CLINT1: variants seen among roughly 807,000 people sequenced by gnomAD.
CLINT1 encodes the protein clathrin interacting protein localized in the trans-Golgi region.
A neutral mutation model predicts 70.4 loss-of-function variants in CLINT1; 15 were observed. The ratio of observed to expected loss-of-function variants is 0.21; its 90% CI spans 0.14 to 0.33. CLINT1 has a LOEUF of 0.33. Ranked by LOEUF, CLINT1 falls within the 10% of genes least tolerant of loss-of-function variation. The pLI, the probability that CLINT1 is intolerant of heterozygous loss-of-function variation, is 1.00. For synonymous variants in CLINT1, 227 were observed against 254.7 expected (o/e 0.89, Z 1.04); for missense variants, 615 against 778.1 (o/e 0.79, Z 2.49).
At chr5:157,812,257 T>C (rs962837571) in intron 5 of CLINT1, among the ~76,000 whole-genome samples, 11 of 151,824 alleles carry the variant, frequency 7.2e-5, no homozygotes, top group African/African-American at 2.4e-4. Context: ...CATATATGGG[T>C]GGGGGGAGCT....
intron 1 of CLINT1, among the ~76,000 whole-genome samples, chr5:157,828,085 A>G (rs1467921480): frequency 6.6e-6 from 1 of 152,144 alleles, no homozygotes; most frequent in African/African-American, 2.4e-5. Flanking sequence ...TAAAGCATTC[A>G]GTTTTCTGTT....
At chr5:157,834,206 T>C (rs1323536241) in intron 1 of CLINT1, among the ~76,000 whole-genome samples, 1 of 150,162 alleles carries the variant, frequency 6.7e-6, no homozygotes, top group Non-Finnish European at 1.5e-5. Context: ...TCTACTAAAA[T>C]ACAAAAAAAG....
At chr5:157,819,865 T>C (rs919667789) in intron 1 of CLINT1, among the ~76,000 whole-genome samples, 7 of 152,352 alleles carry the variant, frequency 4.6e-5, no homozygotes, top group Middle Eastern at 3.4e-3. Context: ...TTCAGAACAC[T>C]GCTTTCCTTG....
intron 1 of CLINT1, among the ~76,000 whole-genome samples, chr5:157,822,930 TGTG>T (rs1290235555): frequency 2.6e-5 from 4 of 152,210 alleles, no homozygotes; most frequent in Non-Finnish European, 5.9e-5. Flanking sequence ...ATAGGTATAA[TGTG>T]GTACTAACTG....
intron 6 of CLINT1, 107 bp downstream of exon 6, chr5:157,809,519 ATT>A: frequency 1.2e-6 from 1 of 805,976 alleles, no homozygotes. Flanking sequence ...AAAAGGCCCA[ATT>A]TCAGATAATG....
At chr5:157,848,245 C>T (rs957848720) in intron 1 of CLINT1, among the ~76,000 whole-genome samples, 7 of 151,424 alleles carry the variant, frequency 4.6e-5, no homozygotes, top group East Asian at 1.9e-4. Context: ...TACAGGGGCC[C>T]GCCACTACCC....
chr5:157,827,905 T>C (rs1368754033), intron 1 of CLINT1, among the ~76,000 whole-genome samples: 1 of 152,200 alleles, frequency 6.6e-6, no homozygotes, highest in African/African-American at 2.4e-5. Context: ...CAAAGTAATA[T>C]TGTATATTAG....
At chr5:157,788,048 G>A in intron 11 of CLINT1, 56 bp from the exon 12 acceptor site, 1 of 1,288,778 alleles carries the variant, frequency 7.8e-7, no homozygotes, top group Non-Finnish European at 1.1e-6. Context: ...TAGGTTCATA[G>A]AACAGAGAAC....
chr5:157,827,818 A>G (rs1763086789), intron 1 of CLINT1, among the ~76,000 whole-genome samples: 1 of 152,240 alleles, frequency 6.6e-6, no homozygotes, highest in Non-Finnish European at 1.5e-5. Flanking sequence ...AGACAAGGCC[A>G]TGCTAAAGGA....
intron 4 of CLINT1, 52 bp from the exon 5 acceptor site, chr5:157,813,279 T>C (rs1762615781): frequency 1.4e-6 from 2 of 1,472,518 alleles, no homozygotes; most frequent in East Asian, 4.8e-5. Context: ...TTAATATGTA[T>C]CAAGCTCTTT....
At chr5:157,791,200 A>C (rs1179606828) in intron 10 of CLINT1, among the ~76,000 whole-genome samples, 1 of 152,118 alleles carries the variant, frequency 6.6e-6, no homozygotes, top group Non-Finnish European at 1.5e-5. Flanking sequence ...CAGGGACTAC[A>C]GGTGCCTGCC....
At chr5:157,854,981 G>A (rs2113343885) in intron 1 of CLINT1, among the ~76,000 whole-genome samples, 1 of 151,996 alleles carries the variant, frequency 6.6e-6, no homozygotes, top group Non-Finnish European at 1.5e-5. Flanking sequence ...TCAGCTGTAT[G>A]AAAAATACAA....
At chr5:157,805,679 T>C (rs1381482212) in intron 7 of CLINT1, among the ~76,000 whole-genome samples, 187 bp downstream of exon 7, 1 of 152,178 alleles carries the variant, frequency 6.6e-6, no homozygotes, top group African/African-American at 2.4e-5. Context: ...ACCCAATCAT[T>C]CAGCAATTGG....
At chr5:157,800,469 C>T (rs1339090881) in intron 8 of CLINT1, among the ~76,000 whole-genome samples, 1 of 152,004 alleles carries the variant, frequency 6.6e-6, no homozygotes, top group Non-Finnish European at 1.5e-5. Context: ...TGCCCAATTT[C>T]CTTTCACTGC....
intron 1 of CLINT1, among the ~76,000 whole-genome samples, chr5:157,831,190 C>CTT (rs34655817): frequency 5.0e-5 from 7 of 140,700 alleles, no homozygotes; most frequent in Admixed American, 7.1e-5. Flanking sequence ...TCGTGTTTTA[C>CTT]TTTTTTTTTT....
chr5:157,829,474 C>T (rs1304042534), intron 1 of CLINT1, among the ~76,000 whole-genome samples: 1 of 152,154 alleles, frequency 6.6e-6, no homozygotes, highest in Non-Finnish European at 1.5e-5. Flanking sequence ...TCATGTAACA[C>T]TTCTCAGAGA....
intron 1 of CLINT1, among the ~76,000 whole-genome samples, chr5:157,825,418 A>C (rs1329699495): frequency 6.6e-6 from 1 of 152,158 alleles, no homozygotes; most frequent in Non-Finnish European, 1.5e-5. Context: ...AGTCAAAAAA[A>C]AATTACGATC....
At chr5:157,841,403 T>C (rs923107990) in intron 1 of CLINT1, among the ~76,000 whole-genome samples, 1 of 151,020 alleles carries the variant, frequency 6.6e-6, no homozygotes, top group Admixed American at 6.6e-5. Context: ...CCATCTCTAC[T>C]GAAAACACAA....
chr5:157,823,866 T>C (rs1480152173), intron 1 of CLINT1: 1 of 166,268 alleles, frequency 6.0e-6, no homozygotes, highest in Non-Finnish European at 1.2e-5. Context: ...GAGCTCTGCC[T>C]CCTGTCAGAT....
Sources: allele counts gnomAD v4.1 joint callset (sites outside exome capture counted in the v4.1 genomes callset), GRCh38; gene constraint gnomAD v4.1.1; transcripts MANE v1.5; gene names NCBI Gene and HGNC (gene_info 2026-07-23, HGNC 2026-07-21).